DDX19B: variants seen among roughly 807,000 people sequenced by gnomAD.
The protein encoded by DDX19B is DEAD-box helicase 19B.
A neutral mutation model predicts 58.1 loss-of-function variants in DDX19B; 27 were observed. That is an observed-to-expected ratio of 0.46 (90% CI 0.34 to 0.64). DDX19B has a LOEUF of 0.64. DDX19B is among the 30% of genes least tolerant of loss of function. DDX19B has a pLI of 0.01. For missense variants in DDX19B, 399 were observed against 596.5 expected (o/e 0.67, Z 3.45); for synonymous variants, 187 against 214.4 (o/e 0.87, Z 1.12).
intron 1 of DDX19B, among the ~76,000 whole-genome samples, chr16:70,311,264 C>T (rs1962079975): frequency 1.3e-5 from 2 of 151,868 alleles, no homozygotes; most frequent in South Asian, 4.2e-4. Context: ...CCTGTAGTCT[C>T]AGCTGCTCGG....
rs1290409066 is a variant in DDX19B at position 70,334,865 on chromosome 16, A to C, written c.*1283A>C. 6.6e-6 allele frequency: 1 copy of C among 152,256 alleles called. No individual in the cohort carries two copies. Among genetic ancestry groups the C allele is most frequent in the Non-Finnish European group, 1.5e-5 (1 of 68,058 alleles). The allele number at this position is 152,256 out of a possible 1,614,324, so 9.4% of individuals were successfully genotyped here. ...AGATGAGAGGAAACTGAATTGCAAG[A>C]GCAATATGAAACCCCAACCAAGAGG... On this transcript the variant is annotated 3_prime_UTR_variant, in exon 12 of 12. Coordinates refer to ENST00000288071, the MANE Select transcript of DDX19B (RefSeq NM_007242.7).
At position 70,333,559 on chromosome 16, in the gene DDX19B, G is replaced by C; in HGVS notation, c.1417G>C (p.Glu473Gln). Residue 473 changes from glutamate to glutamine, a missense_variant, in exon 12 of 12, where the codon GAG becomes CAG. Physicochemically the swap from Glu to Gln is conservative, Grantham distance 29. Coordinates refer to ENST00000288071, the MANE Select transcript of DDX19B (RefSeq NM_007242.7). ...IERLDTDDLD[E>Q]IEKIAN ...AAGATTGGACACAGATGATTTGGACGAGATTGAGAAAATAGCCAACTGAGA... is the reference window on the plus strand; with the variant it reads ...AAGATTGGACACAGATGATTTGGACCAGATTGAGAAAATAGCCAACTGAGA... 6.2e-7 allele frequency: 1 copy of C among 1,613,978 alleles called. No individual in the cohort carries two copies. Among genetic ancestry groups the C allele is most frequent in the Non-Finnish European group, 8.5e-7 (1 of 1,179,880 alleles).
At chr16:70,311,929 C>A (rs1962116250) in intron 1 of DDX19B, among the ~76,000 whole-genome samples, 1 of 152,022 alleles carries the variant, frequency 6.6e-6, no homozygotes, top group Non-Finnish European at 1.5e-5. Flanking sequence ...GCAACCTCCG[C>A]CTCCTGGGTT....
intron 9 of DDX19B, 39 bp downstream of exon 9, chr16:70,330,107 C>T (rs374022327): frequency 3.6e-5 from 58 of 1,609,880 alleles, no homozygotes; most frequent in Non-Finnish European, 4.7e-5. Flanking sequence ...GCCCTTCCCT[C>T]TCAGCCAGCT....
upstream of DDX19B, chr16:70,294,916 A>C: frequency 6.6e-7 from 1 of 1,523,040 alleles, no homozygotes; most frequent in Middle Eastern, 1.7e-4. Context: ...CCTGTGGGCG[A>C]CGTGAGTATC....
chr16:70,290,482 G>A (rs1435631443), upstream of DDX19B, among the ~76,000 whole-genome samples: 1 of 152,010 alleles, frequency 6.6e-6, no homozygotes, highest in Non-Finnish European at 1.5e-5. Flanking sequence ...AGCCGAGATG[G>A]CGCCACTGCA....
intron 1 of DDX19B, among the ~76,000 whole-genome samples, chr16:70,309,964 G>A (rs1338965909): frequency 6.6e-6 from 1 of 151,876 alleles, no homozygotes; most frequent in African/African-American, 2.4e-5. Flanking sequence ...CAGAAATGCG[G>A]CCTAATGCGT....
chr16:70,311,795 C>T (rs1328297118), intron 1 of DDX19B, among the ~76,000 whole-genome samples: 3 of 152,126 alleles, frequency 2.0e-5, no homozygotes, highest in African/African-American at 7.2e-5. Flanking sequence ...TCTAACGTAT[C>T]CTGCAGTATG....
Position 70,314,970 on chromosome 16 carries a change from G to A in DDX19B, c.160+15G>A. On this transcript the variant is annotated intron_variant, in intron 3 of 11. Transcript: ENST00000288071. The stretch of plus-strand genomic sequence containing the variant: ...AGAAGAGAAAGGTAACACAGCCGTG[G>A]AGCTTTATATAATAACAAGCTTCTA... 6.2e-7 allele frequency: 1 copy of A among 1,606,074 alleles called. No homozygotes were observed. The highest frequency in any genetic ancestry group is 1.1e-5 in the South Asian group (1 of 90,994).
chr16:70,328,359 A>AT (rs1202085538), intron 7 of DDX19B, among the ~76,000 whole-genome samples: 2,364 of 131,344 alleles, frequency 0.018, 43 homozygotes, highest in Non-Finnish European at 0.025. Context: ...AGAATTCTGA[A>AT]TTTTTTTTTT....
upstream of DDX19B, among the ~76,000 whole-genome samples, chr16:70,298,268 T>TG (rs1286001835): frequency 2.0e-5 from 3 of 151,934 alleles, no homozygotes; most frequent in Non-Finnish European, 4.4e-5. Flanking sequence ...TAGCTGGGCA[T>TG]GGTGGCGCAT....
chr16:70,309,817 C>CAAAAAAAAAAAAAAAAAA (rs61033553), intron 1 of DDX19B, among the ~76,000 whole-genome samples: 1 of 42,636 alleles, frequency 2.3e-5, no homozygotes, highest in African/African-American at 1.3e-4. Context: ...GACTCCGTCT[C>CAAAAAAAAAAAAAAAAAA]AAAAAAAAAA....
chr16:70,303,958 A>G (rs1480155083), intron 1 of DDX19B, among the ~76,000 whole-genome samples: 1 of 152,148 alleles, frequency 6.6e-6, no homozygotes, highest in Non-Finnish European at 1.5e-5. Flanking sequence ...TAGAAGTCTT[A>G]TAGTTTTAAA....
In DDX19B at chr16:70,331,874, G is replaced by A. The variant is rs1254167153; in HGVS notation, c.1176G>A (p.Val392=). 5.0e-6 allele frequency: 8 copies of A among 1,613,834 alleles called. No homozygotes were observed. The highest frequency in any genetic ancestry group is 1.3e-5 in the African/African-American group (1 of 74,910). The change falls in exon 10 of 12, where the codon GTG becomes GTA. Residue 392 remains valine, a synonymous_variant. Coordinates refer to ENST00000288071, the MANE Select transcript of DDX19B (RefSeq NM_007242.7). ...AGAAGGTTTTGGTGACCACCAACGT[G>A]TGTGCCCGCGGTGAGCAGAGGACGT... ...GKEKVLVTTN[V]CARGIDVEQV... is the part of the protein sequence containing the mutation.
In DDX19B at chr16:70,335,147, T is replaced by C. The variant is rs1360588175; in HGVS notation, c.*1565T>C. 6.6e-6 allele frequency: 1 copy of C among 152,230 alleles called. No homozygotes were observed. The highest frequency in any genetic ancestry group is 3.2e-3 in the Middle Eastern group (1 of 316). The allele number at this position is 152,230 out of a possible 1,614,324, so 9.4% of individuals were successfully genotyped here. A position where few individuals can be genotyped will look rare whatever the true frequency, so the allele number is the denominator to read the frequency against. On this transcript the variant is annotated 3_prime_UTR_variant, in exon 12 of 12. Transcript: ENST00000288071. ...CTGGTGGGTACTCGACTATGTAGTT[T>C]TCTCTATGCTTCTGGTCAACTCTGA...
upstream of DDX19B, among the ~76,000 whole-genome samples, chr16:70,296,477 G>A (rs761273253): frequency 6.6e-6 from 1 of 152,076 alleles, no homozygotes; most frequent in Non-Finnish European, 1.5e-5. Flanking sequence ...ATATATGGGA[G>A]CTTGGGGGCT....
upstream of DDX19B, among the ~76,000 whole-genome samples, chr16:70,295,298 T>C (rs1393702542): frequency 6.6e-6 from 1 of 152,088 alleles, no homozygotes; most frequent in Admixed American, 6.6e-5. Flanking sequence ...TTTTTTTGTT[T>C]TTTGTTTTGT....
chr16:70,331,517 C>T (rs1288312606), intron 9 of DDX19B, among the ~76,000 whole-genome samples: 1 of 152,102 alleles, frequency 6.6e-6, no homozygotes. Context: ...GTTGTGCAGG[C>T]CAGCCTCGAA....
chr16:70,304,664 C>T (rs1424224788), intron 1 of DDX19B, among the ~76,000 whole-genome samples: 1 of 152,192 alleles, frequency 6.6e-6, no homozygotes, highest in African/African-American at 2.4e-5. Flanking sequence ...TGAACCACCA[C>T]TCCTGGCCAG....
Sources: allele counts gnomAD v4.1 joint callset (sites outside exome capture counted in the v4.1 genomes callset), GRCh38; gene constraint gnomAD v4.1.1; transcripts MANE v1.5; gene names NCBI Gene and HGNC (gene_info 2026-07-23, HGNC 2026-07-21).